The following TTF1 variants were observed in gnomAD, a reference collection of about 807,000 sequenced individuals.
TTF1 encodes transcription termination factor, RNA polymerase I.
Under a neutral mutation model 80.2 loss-of-function variants are expected in TTF1, and 64 were observed. That is an observed-to-expected ratio of 0.80 (90% CI 0.65 to 0.98). TTF1 has a LOEUF of 0.98. Among genes scored for constraint, TTF1 ranks in the 50% least tolerant of loss-of-function variants. The pLI is 0.00. For missense variants in TTF1, 1,023 were observed against 1,086.2 expected (o/e 0.94, Z 0.82); for synonymous variants, 372 against 382.7 (o/e 0.97, Z 0.33).
rs372202752 is a variant in TTF1, at chr9:132,390,837, G to A, written c.1988-6C>T. 1.4e-3 allele frequency: 2,214 copies of A among 1,611,250 alleles called. 1 individual carries two copies. The highest frequency in any genetic ancestry group is 1.6e-3 in the Non-Finnish European group (1,858 of 1,178,576). On this transcript the variant is annotated splice_polypyrimidine_tract_variant and splice_region_variant and intron_variant, in intron 6 of 10. Transcript: ENST00000334270. ...CCAAGCACCACGATTTCTTTCTGTAGATATAAAAAGATGGTCTTATAGTAG... is the reference window on the plus strand; with the variant it reads ...CCAAGCACCACGATTTCTTTCTGTAAATATAAAAAGATGGTCTTATAGTAG...
chr9:132,399,165 C>T (rs1192647214), intron 3 of TTF1, among the ~76,000 whole-genome samples: 4 of 146,564 alleles, frequency 2.7e-5, no homozygotes, highest in Non-Finnish European at 4.5e-5. Flanking sequence ...TGCCACTGCA[C>T]TCCAGCCTGG....
At chr9:132,390,234 C>T (rs893996507) in intron 7 of TTF1, among the ~76,000 whole-genome samples, 7 of 152,212 alleles carry the variant, frequency 4.6e-5, no homozygotes, top group Non-Finnish European at 8.8e-5. Context: ...CCTGCCTCAG[C>T]CTCCCAAAGT....
In TTF1 at chr9:132,379,387, T is replaced by C. The variant is rs115533242; in HGVS notation, c.2379-243A>G. ...TCAGTAGTACAGAATGGATTCTATT[T>C]AAATTAAGATAACTTGTATCACTAG... On this transcript the variant is annotated intron_variant, in intron 9 of 10. Coordinates refer to ENST00000334270, the MANE Select transcript of TTF1 (RefSeq NM_007344.4). Among the ~76,000 whole-genome samples the C allele has an allele frequency of 9.3e-3, 1,418 of 152,312 alleles. 27 individuals carry two copies. Among genetic ancestry groups the C allele is most frequent in the African/African-American group, 0.033 (1,356 of 41,560 alleles).
rs1849506245 is a variant in TTF1, at chr9:132,388,288, T to C, written c.2223-60A>G. On this transcript the variant is annotated intron_variant, in intron 7 of 10. Coordinates refer to ENST00000334270, the MANE Select transcript of TTF1 (RefSeq NM_007344.4). ...CAAGGGTAGAGTTTTCATTAAAATATCCTATATTTTTCTTATCTAAATTGC... is the reference window on the plus strand; with the variant it reads ...CAAGGGTAGAGTTTTCATTAAAATACCCTATATTTTTCTTATCTAAATTGC... The C allele has an allele frequency of 1.0e-5, 13 of 1,262,510 alleles. 1 individual carries two copies. The South Asian group carries it at 1.6e-4, about 15-fold the overall frequency. 78.2% of individuals were successfully genotyped at this position (1,262,510 alleles called of 1,614,324 possible).
chr9:132,401,013 TTGA>T (rs1236298516), intron 2 of TTF1, among the ~76,000 whole-genome samples: 1 of 152,220 alleles, frequency 6.6e-6, no homozygotes, highest in Non-Finnish European at 1.5e-5. Flanking sequence ...GGTCTACCTC[TTGA>T]TGATTTTTGC....
intron 1 of TTF1, among the ~76,000 whole-genome samples, chr9:132,406,182 T>C (rs2131662660): frequency 6.6e-6 from 1 of 152,260 alleles, no homozygotes; most frequent in South Asian, 2.1e-4. Flanking sequence ...TGCCCAAACC[T>C]GGTCCCGGAT....
Position 132,401,690 on chromosome 9 carries a change from C to CT in TTF1, c.1131dup (p.Gly378ArgfsTer13), listed in dbSNP as rs1437593764. On this transcript the variant is annotated frameshift_variant, in exon 2 of 11. Coordinates refer to ENST00000334270, the MANE Select transcript of TTF1 (RefSeq NM_007344.4). LOFTEE classifies it high-confidence loss of function. The stretch of plus-strand genomic sequence containing the variant: ...TTTGTACTGTTGGATTCCTTGAACC[C>CT]TTTAAGAGCTGTACTGCCTTCCACA... The CT allele has an allele frequency of 1.9e-6, 3 of 1,614,122 alleles. No homozygotes were observed. The highest frequency in any genetic ancestry group is 1.7e-6 in the Non-Finnish European group (2 of 1,180,056).
chr9:132,402,116 T>C lies in TTF1; in HGVS notation c.706A>G (p.Met236Val), dbSNP rs960935313. 1.2e-6 allele frequency: 2 copies of C among 1,614,172 alleles called. No individual in the cohort carries two copies. The change falls in exon 2 of 11, where the codon ATG becomes GTG. Residue 236 changes from methionine to valine, a missense_variant. Transcript: ENST00000334270. ...SSNREYETLA[M>V]PEGSQAGREA... ...CTGCCTGCTTGCGATCCTTCAGGCATGGCCAGTGTCTCATATTCCCGGTTA... is the reference window on the plus strand; with the variant it reads ...CTGCCTGCTTGCGATCCTTCAGGCACGGCCAGTGTCTCATATTCCCGGTTA...
At chr9:132,403,125 C>T (rs1392487133) in intron 1 of TTF1, among the ~76,000 whole-genome samples, 2 of 152,206 alleles carry the variant, frequency 1.3e-5, no homozygotes, top group Non-Finnish European at 2.9e-5. Flanking sequence ...TCCCAAAGTG[C>T]TGGGATTACA....
intron 9 of TTF1, among the ~76,000 whole-genome samples, chr9:132,381,915 T>C (rs1485241876): frequency 6.6e-6 from 1 of 152,130 alleles, no homozygotes; most frequent in Non-Finnish European, 1.5e-5. Flanking sequence ...CTCACACCAG[T>C]AGCCACACTT....
chr9:132,392,172 A>G lies in TTF1; in HGVS notation c.1891T>C (p.Tyr631His). 4 of 1,614,208 alleles carry G rather than the reference A, an allele frequency of 2.5e-6. No homozygotes were observed. The highest frequency in any genetic ancestry group is 3.4e-6 in the Non-Finnish European group (4 of 1,180,036). Residue 631 changes from tyrosine (Y) to histidine (H), a missense_variant, in exon 6 of 11, where the codon TAC (tyrosine) becomes CAC (histidine). Coordinates refer to ENST00000334270, the MANE Select transcript of TTF1 (RefSeq NM_007344.4). ...CAGTCATTCCCAAGGAGAGAATGGT[A>G]CATCTTTAACTTCTCAGTATCTCCT... is the stretch of plus-strand genomic sequence containing the variant. ...SEGDTEKLKMYHSLLGNDWKT... is the reference protein window; with the variant it reads ...SEGDTEKLKMHHSLLGNDWKT...
chr9:132,402,211 C>T lies in TTF1; in HGVS notation c.611G>A (p.Gly204Glu), dbSNP rs763308448. 3.1e-6 allele frequency: 5 copies of T among 1,614,126 alleles called. No homozygotes were observed. In the South Asian group the frequency reaches 4.4e-5, roughly 14 times the overall value. Reference protein sequence around the residue: ...QEESWLSVGPGGEITELPASA... With the variant: ...QEESWLSVGPEGEITELPASA... ...TGCTGGTAGTTCTGTAATTTCACCCCCTGGACCCACAGAAAGCCAGGACTC... is the reference window on the plus strand; with the variant it reads ...TGCTGGTAGTTCTGTAATTTCACCCTCTGGACCCACAGAAAGCCAGGACTC... The change falls in exon 2 of 11, where the codon GGG (glycine) becomes GAG (glutamate). Residue 204 changes from glycine to glutamate, a missense_variant. Gly to Glu is a moderately conservative substitution (Grantham distance 98, BLOSUM62 -2). Transcript: ENST00000334270.
At position 132,396,500 on chromosome 9, in the gene TTF1, C is replaced by A; in HGVS notation, c.1789G>T (p.Ala597Ser). 6.2e-7 allele frequency: 1 copy of A among 1,614,096 alleles called. No homozygotes were observed. The highest frequency in any genetic ancestry group is 8.5e-7 in the Non-Finnish European group (1 of 1,180,014). The change falls in exon 5 of 11, where the codon GCC becomes TCC. Residue 597 changes from alanine (A) to serine (S), a missense_variant. Ala to Ser is a moderately conservative substitution (Grantham distance 99). Coordinates refer to ENST00000334270, the MANE Select transcript of TTF1 (RefSeq NM_007344.4). ...SFRLHIGRNI[A>S]RPWKLIYYRA... Reference sequence around the variant, plus strand: ...TAGTATATAAGTTTCCAGGGCCGGGCAATGTTCCTACCTAAAGTCAGAAGA... The same window carrying A: ...TAGTATATAAGTTTCCAGGGCCGGGAAATGTTCCTACCTAAAGTCAGAAGA...
In TTF1 at chr9:132,400,290, T is replaced by C. The variant is rs754060961; in HGVS notation, c.1368-32A>G. On this transcript the variant is annotated intron_variant, in intron 2 of 10. Coordinates refer to ENST00000334270, the MANE Select transcript of TTF1 (RefSeq NM_007344.4). ...GGTTAGAAAATTGGGTTGACTAACA[T>C]TAACACATCACTTGACCTCATAACT... is the stretch of plus-strand genomic sequence containing the variant. 1.9e-6 allele frequency: 3 copies of C among 1,561,442 alleles called. No individual in the cohort carries two copies. In the South Asian group the frequency reaches 3.3e-5, roughly 17 times the overall value.
chr9:132,378,945 T>G, intron 10 of TTF1, 114 bp downstream of exon 10: 1 of 697,022 alleles, frequency 1.4e-6, no homozygotes, highest in South Asian at 2.2e-5. Context: ...TCCACCATTT[T>G]GCAGCTGATG....
Position 132,402,635 on chromosome 9 carries a change from T to C in TTF1, c.187A>G (p.Ile63Val), listed in dbSNP as rs145017585. 146 of 1,612,854 alleles carry C rather than the reference T, an allele frequency of 9.1e-5. No individual in the cohort carries two copies. The African/African-American group carries it at 1.7e-3, about 19-fold the overall frequency. ...CTGGATTTTTTCAAAGGAGAAGAAA[T>C]GAGATGCTGGAAATCTTTTTTCCTC... Reference protein sequence around the residue: ...KKRKKDFQHLISSPLKKSRIC... With the variant: ...KKRKKDFQHLVSSPLKKSRIC... Residue 63 changes from isoleucine (I) to valine (V), a missense_variant, in exon 2 of 11, where the codon ATT (isoleucine) becomes GTT (valine). Coordinates refer to ENST00000334270, the MANE Select transcript of TTF1 (RefSeq NM_007344.4).
chr9:132,398,259 G>A lies in TTF1; in HGVS notation c.1659C>T (p.Asp553=), dbSNP rs760367958. 1 of 1,609,572 alleles carries A rather than the reference G, an allele frequency of 6.2e-7. No homozygotes were observed. The highest frequency in any genetic ancestry group is 1.7e-5 in the Admixed American group (1 of 58,590). The change falls in exon 4 of 11, where the codon GAC becomes GAT. Residue 553 remains aspartate, a synonymous_variant. Coordinates refer to ENST00000334270, the MANE Select transcript of TTF1 (RefSeq NM_007344.4). ...ENKQLEKNVE[D]FLALTGIESA... ...TCTCAATGCCTGTCAGGGCTAGAAA[G>A]TCTTCCACATTTTTCTCTAACTGCT... is the stretch of plus-strand genomic sequence containing the variant.
chr9:132,377,703 GGTGTGTGTGAGTGCATGT>G (rs1167187757), intron 10 of TTF1, among the ~76,000 whole-genome samples: 1,389 of 108,570 alleles, frequency 0.013, 1 homozygote, highest in Middle Eastern at 0.03. Flanking sequence ...GAGTGCATGT[GGTGTGTGTGAGTGCATGT>G]GTGTGTGAGT....
Position 132,375,873 on chromosome 9 carries a change from G to A in TTF1, c.*42C>T. 1.6e-6 allele frequency: 2 copies of A among 1,231,910 alleles called. No homozygotes were observed. The highest frequency in any genetic ancestry group is 2.3e-6 in the Non-Finnish European group (2 of 873,686). 76.3% of individuals were successfully genotyped at this position (1,231,910 alleles called of 1,614,324 possible). ...AATTTTTGCATTTTTAATAGTGACA[G>A]GTCTTCACCATGTTGGTCAGGCCGG... is the stretch of plus-strand genomic sequence containing the variant. On this transcript the variant is annotated 3_prime_UTR_variant, in exon 11 of 11. Coordinates refer to ENST00000334270, the MANE Select transcript of TTF1 (RefSeq NM_007344.4).
Sources: gnomAD v4.1 joint callset for allele counts (sites outside exome capture counted in the v4.1 genomes callset) on GRCh38, gnomAD v4.1.1 for gene constraint, MANE v1.5 for transcripts, NCBI Gene and HGNC (gene_info 2026-07-23, HGNC 2026-07-21) for gene names.